The following LRBA variants were observed in gnomAD, a reference collection of about 807,000 sequenced individuals.
LRBA encodes the protein LPS responsive beige-like anchor protein, also known as lipopolysaccharide-responsive and beige-like anchor protein.
Under a neutral mutation model 330.0 loss-of-function variants are expected in LRBA, and 176 were observed. The observed-to-expected ratio is 0.53, with a 90% confidence interval of 0.47 to 0.60. The LOEUF is 0.60. Among genes scored for constraint, LRBA ranks in the 20% least tolerant of loss-of-function variants. The pLI, the probability that LRBA is intolerant of heterozygous loss-of-function variation, is 0.00. For missense variants in LRBA, 3,259 were observed against 3,444.8 expected (o/e 0.95, Z 1.35); for synonymous variants, 1,230 against 1,193.0 (o/e 1.03, Z -0.64).
At chr4:150,603,578 C>A (rs1170090781) in intron 37 of LRBA, among the ~76,000 whole-genome samples, 1 of 152,152 alleles carries the variant, frequency 6.6e-6, no homozygotes, top group African/African-American at 2.4e-5. Flanking sequence ...ACTGCAGCCT[C>A]TAACTTTTGG....
intron 2 of LRBA, chr4:150,970,763 AG>A (rs1739499220): frequency 1.3e-5 from 2 of 152,080 alleles, no homozygotes; most frequent in Admixed American, 1.3e-4. Flanking sequence ...GGGTGTGCTC[AG>A]GGTGGTATAA....
intron 37 of LRBA, among the ~76,000 whole-genome samples, chr4:150,647,966 T>C (rs1004095018): frequency 3.3e-5 from 5 of 151,608 alleles, no homozygotes; most frequent in Non-Finnish European, 7.4e-5. Context: ...ATGTTTACTA[T>C]ATTCAATTAT....
At chr4:150,572,559 T>C (rs1205586359) in intron 40 of LRBA, among the ~76,000 whole-genome samples, 3 of 152,136 alleles carry the variant, frequency 2.0e-5, no homozygotes, top group African/African-American at 7.2e-5. Flanking sequence ...TTCTCAAACA[T>C]TGAAAATTCT....
At position 150,852,675 on chromosome 4, in the gene LRBA, G is replaced by C. The variant is rs1376646669; in HGVS notation, c.3035C>G (p.Thr1012Ser). Residue 1012 changes from threonine (T) to serine (S), a missense_variant, in exon 23 of 57, where the codon ACT becomes AGT. Thr to Ser is a moderately conservative substitution (Grantham distance 58). Coordinates refer to ENST00000651943, the MANE Select transcript of LRBA (RefSeq NM_001364905.1). Reference sequence around the variant, plus strand: ...TTTCATTTCTTCATAAGATGTATTAGTAGTTTGCAGTTCAATATTAGATGC... The same window carrying C: ...TTTCATTTCTTCATAAGATGTATTACTAGTTTGCAGTTCAATATTAGATGC... ...ESASNIELQT[T>S]NTSYEEMKAE... 6.2e-7 allele frequency: 1 copy of C among 1,614,048 alleles called. No homozygotes were observed. Among genetic ancestry groups the C allele is most frequent in the East Asian group, 2.2e-5 (1 of 44,864 alleles).
chr4:150,695,418 G>T (rs745780452), intron 36 of LRBA, among the ~76,000 whole-genome samples: 2 of 152,060 alleles, frequency 1.3e-5, no homozygotes, highest in Non-Finnish European at 2.9e-5. Flanking sequence ...CATCTCCCAG[G>T]TTCACGCAAC....
Position 150,868,252 on chromosome 4 carries a change from T to C in LRBA, c.2503A>G (p.Ser835Gly), listed in dbSNP as rs144887682. The C allele has an allele frequency of 3.7e-6, 6 of 1,612,534 alleles. No homozygotes were observed. In the East Asian group the frequency reaches 1.1e-4, roughly 30 times the overall value. Reference protein sequence around the residue: ...LLRNSPQCPESMEVRRAFLSD... With the variant: ...LLRNSPQCPEGMEVRRAFLSD... ...AGAAAGGCTCTGCGAACCTCCATGC[T>C]CTCTGGGCACTGGGGAGAATTTCGA... Residue 835 changes from serine to glycine, a missense_variant, in exon 21 of 57, where the codon AGC becomes GGC. Ser to Gly is a moderately conservative substitution (Grantham distance 56). Coordinates refer to ENST00000651943, the MANE Select transcript of LRBA (RefSeq NM_001364905.1).
At chr4:150,821,143 T>C (rs1745374914) in intron 30 of LRBA, among the ~76,000 whole-genome samples, 1 of 152,164 alleles carries the variant, frequency 6.6e-6, no homozygotes, top group Non-Finnish European at 1.5e-5. Context: ...TGGAACTTTT[T>C]ATATCTACAT....
chr4:150,519,624 A>G (rs1426011740), intron 40 of LRBA, among the ~76,000 whole-genome samples: 2 of 152,216 alleles, frequency 1.3e-5, no homozygotes. Context: ...TTAACATTCA[A>G]GTAGTTTACT....
intron 13 of LRBA, 63 bp from the exon 14 acceptor site, chr4:150,900,280 C>A: frequency 8.1e-7 from 1 of 1,227,428 alleles, no homozygotes; most frequent in East Asian, 2.4e-5. Flanking sequence ...TCCAGTAACA[C>A]TTCCAGGCTG....
chr4:150,309,603 T>C (rs1434409450), intron 52 of LRBA, among the ~76,000 whole-genome samples: 2 of 152,212 alleles, frequency 1.3e-5, no homozygotes, highest in African/African-American at 4.8e-5. Context: ...TGTAAACATT[T>C]ACTCAGCCGG....
At chr4:150,464,034 T>C (rs1755127005) in intron 44 of LRBA, among the ~76,000 whole-genome samples, 1 of 150,024 alleles carries the variant, frequency 6.7e-6, no homozygotes, top group Admixed American at 6.7e-5. Flanking sequence ...AACCTCCCAC[T>C]TGTCACCATT....
intron 42 of LRBA, among the ~76,000 whole-genome samples, chr4:150,475,357 C>G (rs2152073341): frequency 6.6e-6 from 1 of 152,218 alleles, no homozygotes; most frequent in East Asian, 1.9e-4. Flanking sequence ...AGATTTATAT[C>G]ATTTCTAGTT....
intron 37 of LRBA, among the ~76,000 whole-genome samples, chr4:150,674,277 G>A (rs1782334430): frequency 6.6e-6 from 1 of 151,248 alleles, no homozygotes. Context: ...AAAGGAAAGA[G>A]AAATCAAATT....
intron 2 of LRBA, among the ~76,000 whole-genome samples, chr4:151,000,276 G>GT (rs1743186803): frequency 6.6e-6 from 1 of 152,206 alleles, no homozygotes; most frequent in Non-Finnish European, 1.5e-5. Context: ...AGCTTTAGAT[G>GT]TAAGTGCATC....
chr4:150,631,207 G>C (rs979346200), intron 37 of LRBA, among the ~76,000 whole-genome samples: 1 of 151,418 alleles, frequency 6.6e-6, no homozygotes, highest in Non-Finnish European at 1.5e-5. Context: ...TAAATGCAGA[G>C]AGGATAATAT....
At chr4:150,748,265 T>G (rs1175891971) in intron 35 of LRBA, among the ~76,000 whole-genome samples, 3 of 152,236 alleles carry the variant, frequency 2.0e-5, no homozygotes, top group Non-Finnish European at 4.4e-5. Context: ...CAGTAATATC[T>G]TCACTGACTT....
At chr4:150,806,631 C>G (rs1028002498) in intron 32 of LRBA, among the ~76,000 whole-genome samples, 2 of 152,098 alleles carry the variant, frequency 1.3e-5, no homozygotes, top group African/African-American at 4.8e-5. Context: ...TGGTTAACAA[C>G]CACTCCAAGC....
In LRBA at chr4:150,750,619, G is replaced by A. The variant is rs560989852; in HGVS notation, c.5645+11164C>T. ...CATACTACCCAATTTTTTTTAAAGA[G>A]ATAGGATCATGCTATGTTGCTCAGG... On this transcript the variant is annotated intron_variant, in intron 35 of 56. Coordinates refer to ENST00000651943, the MANE Select transcript of LRBA (RefSeq NM_001364905.1). 1.2e-4 allele frequency among the ~76,000 whole-genome samples: 18 copies of A among 151,924 alleles called. No individual in the cohort carries two copies. In the South Asian group the frequency reaches 3.5e-3, roughly 30 times the overall value.
chr4:150,735,302 T>C lies in LRBA; in HGVS notation c.5710A>G (p.Ser1904Gly). The C allele has an allele frequency of 6.2e-7, 1 of 1,613,836 alleles. No individual in the cohort carries two copies. The highest frequency in any genetic ancestry group is 8.5e-7 in the Non-Finnish European group (1 of 1,179,790). The change falls in exon 36 of 57, where the codon AGC becomes GGC. Residue 1904 changes from serine (S) to glycine (G), a missense_variant. By Grantham distance (56) the Ser-to-Gly change is moderately conservative. Transcript: ENST00000651943. The stretch of plus-strand genomic sequence containing the variant: ...TGAATATCTTCTGCTCTCTGCCTGC[T>C]CAGGATAAATTCAGCTTCATTTGCT... The part of the protein sequence containing the change: ...RVANEAEFIL[S>G]RQRAEDIHRH...
Sources: allele counts gnomAD v4.1 joint callset (sites outside exome capture counted in the v4.1 genomes callset), GRCh38; gene constraint gnomAD v4.1.1; transcripts MANE v1.5; gene names NCBI Gene and HGNC (gene_info 2026-07-23, HGNC 2026-07-21).